HDGFL3: variants seen among roughly 807,000 people sequenced by gnomAD.
HDGFL3 encodes HDGF like 3.
HDGFL3 carries 6 observed loss-of-function variants against 27.6 expected under a neutral mutation model. That is an observed-to-expected ratio of 0.22 (90% CI 0.12 to 0.43). The LOEUF (loss-of-function observed/expected upper bound fraction) is 0.43. Ranked by LOEUF, HDGFL3 falls within the 20% of genes least tolerant of loss-of-function variation. HDGFL3 has a pLI of 1.00. For missense variants in HDGFL3, 207 were observed against 250.1 expected (o/e 0.83, Z 1.16); for synonymous variants, 88 against 88.9 (o/e 0.99, Z 0.05).
chr15:83,187,636 C>A (rs1045089362), intron 1 of HDGFL3, among the ~76,000 whole-genome samples: 1 of 152,148 alleles, frequency 6.6e-6, no homozygotes, highest in Non-Finnish European at 1.5e-5. Flanking sequence ...CGCCTGTAAT[C>A]CCAGCACTTT....
At chr15:83,181,436 A>T (rs1303212576) in intron 1 of HDGFL3, among the ~76,000 whole-genome samples, 1 of 152,106 alleles carries the variant, frequency 6.6e-6, no homozygotes, top group Non-Finnish European at 1.5e-5. Context: ...TCGATTTATG[A>T]TCTTCATTTA....
At position 83,157,563 on chromosome 15, in the gene HDGFL3, T is replaced by G; in HGVS notation, c.311A>C (p.Gln104Pro). The change falls in exon 4 of 6, where the codon CAA (glutamine) becomes CCA (proline). Residue 104 changes from glutamine to proline, a missense_variant. Transcript: ENST00000299633. ...TCCCTCAGTTTCTGAAGAGCTCTGT[T>G]GCTGAATTGCCTAAGAAATAATAAA... Reference protein sequence around the residue: ...VKFTGYQAIQQQSSSETEGEG... With the variant: ...VKFTGYQAIQPQSSSETEGEG... 6.2e-7 allele frequency: 1 copy of G among 1,612,248 alleles called. No individual in the cohort carries two copies. Among genetic ancestry groups the G allele is most frequent in the Non-Finnish European group, 8.5e-7 (1 of 1,179,332 alleles).
At chr15:83,186,823 C>A (rs964466662) in intron 1 of HDGFL3, among the ~76,000 whole-genome samples, 1 of 152,132 alleles carries the variant, frequency 6.6e-6, no homozygotes, top group African/African-American at 2.4e-5. Context: ...CCAGACTTTA[C>A]CGCAATATAA....
chr15:83,207,239 C>T lies in HDGFL3; in HGVS notation c.84+92G>A, dbSNP rs1195929469. 7 of 896,686 alleles carry T rather than the reference C, an allele frequency of 7.8e-6. No individual in the cohort carries two copies. The highest frequency in any genetic ancestry group is 4.3e-5 in the Admixed American group (1 of 23,078). The allele number at this position is 896,686 out of a possible 1,614,324, so 55.5% of individuals were successfully genotyped here. On this transcript the variant is annotated intron_variant, in intron 1 of 5. Coordinates refer to ENST00000299633, the MANE Select transcript of HDGFL3 (RefSeq NM_016073.4). This position sits in a 1 kb window ranked among gnomAD's most constrained non-coding sequence, Gnocchi z 4.8. ...CACAGCCGGCCGCGAGCTGCGGGCTCGGGGCTGAGGCGATGGGGAAAGGGG... is the reference window on the plus strand; with the variant it reads ...CACAGCCGGCCGCGAGCTGCGGGCTTGGGGCTGAGGCGATGGGGAAAGGGG...
At chr15:83,166,978 T>TCA (rs1230881441) in intron 1 of HDGFL3, among the ~76,000 whole-genome samples, 1 of 152,096 alleles carries the variant, frequency 6.6e-6, no homozygotes, top group African/African-American at 2.4e-5. Flanking sequence ...TCAAACCATA[T>TCA]CAGCAACCAA....
intron 2 of HDGFL3, among the ~76,000 whole-genome samples, chr15:83,162,203 C>G (rs532017618): frequency 1.7e-3 from 257 of 152,296 alleles, no homozygotes; most frequent in African/African-American, 6.0e-3. Flanking sequence ...GTAAGAAACA[C>G]TGACATAATT....
At chr15:83,120,367 C>T (rs1033932039) in intron 3 of HDGFL3, among the ~76,000 whole-genome samples, 7 of 152,176 alleles carry the variant, frequency 4.6e-5, no homozygotes, top group African/African-American at 7.2e-5. Flanking sequence ...TGGTGGCACA[C>T]CCACAGCTTT....
intron 1 of HDGFL3, among the ~76,000 whole-genome samples, chr15:83,172,994 G>A (rs542046111): frequency 5.3e-5 from 8 of 152,246 alleles, no homozygotes; most frequent in Admixed American, 1.3e-4. Context: ...GAAAATTCAC[G>A]TAGAAGTGGA....
chr15:83,183,698 CA>C (rs1348647978), intron 1 of HDGFL3, among the ~76,000 whole-genome samples: 1 of 150,650 alleles, frequency 6.6e-6, no homozygotes, highest in Non-Finnish European at 1.5e-5. Context: ...GGTTGCAGTG[CA>C]GTAAGCAGAG....
At chr15:83,119,461 A>T in intron 3 of HDGFL3, 1 of 1,060,180 alleles carries the variant, frequency 9.4e-7, no homozygotes, top group South Asian at 1.5e-5. Flanking sequence ...AAATAGTTTC[A>T]TCTTAGCAGA....
intron 1 of HDGFL3, among the ~76,000 whole-genome samples, chr15:83,176,086 G>A (rs191806172): frequency 1.2e-4 from 19 of 152,318 alleles, no homozygotes; most frequent in East Asian, 7.7e-4. Context: ...AGAGGAACAC[G>A]TCTTGCTTCA....
chr15:83,146,011 A>T (rs1292525620), intron 5 of HDGFL3, among the ~76,000 whole-genome samples: 1 of 145,080 alleles, frequency 6.9e-6, no homozygotes, highest in Non-Finnish European at 1.5e-5. Context: ...CCCGGGTTCA[A>T]GCGATTTTCA....
In HDGFL3 at chr15:83,207,451, GC is replaced by G; in HGVS notation, c.-38del. The G allele has an allele frequency of 7.9e-7, 1 of 1,263,708 alleles. No individual in the cohort carries two copies. 78.3% of individuals were successfully genotyped at this position (1,263,708 alleles called of 1,614,324 possible). ...CCCTTCCTGGTAGTCCTTGGTCGCC[GC>G]GAAGATGCCGGGAGGCCGCCCCCCC... On this transcript the variant is annotated 5_prime_UTR_variant, in exon 1 of 6. Coordinates refer to ENST00000299633, the MANE Select transcript of HDGFL3 (RefSeq NM_016073.4). The surrounding 1 kb of genome is among the most constrained non-coding windows in gnomAD (Gnocchi z 4.8).
chr15:83,170,885 A>AC (rs2037237538), intron 1 of HDGFL3, among the ~76,000 whole-genome samples: 1 of 151,936 alleles, frequency 6.6e-6, no homozygotes, highest in Non-Finnish European at 1.5e-5. Flanking sequence ...GCAAAAAAAA[A>AC]AAAAAACAAA....
rs956412114 is a variant in HDGFL3, at chr15:83,128,460, T to C, written c.*10810A>G. ...AAGAGAACTAACATTTATTGCTCTT[T>C]GCTGGTTGTTTTTCCTTTGCAGACC... On this transcript the variant is annotated 3_prime_UTR_variant, in exon 6 of 6. Coordinates refer to ENST00000299633, the MANE Select transcript of HDGFL3 (RefSeq NM_016073.4). 3 of 152,230 alleles carry C rather than the reference T, an allele frequency of 2.0e-5. No individual in the cohort carries two copies. The highest frequency in any genetic ancestry group is 4.4e-5 in the Non-Finnish European group (3 of 68,048). The allele number at this position is 152,230 out of a possible 1,614,324, so 9.4% of individuals were successfully genotyped here. A position where few individuals can be genotyped will look rare whatever the true frequency, so the allele number is the denominator to read the frequency against.
chr15:83,122,850 C>T, downstream of HDGFL3: 2 of 1,613,932 alleles, frequency 1.2e-6, no homozygotes, highest in Non-Finnish European at 1.7e-6. Context: ...TATAATCAGC[C>T]ATCAGAAAAT....
chr15:83,167,130 T>A (rs929515911), intron 1 of HDGFL3, among the ~76,000 whole-genome samples: 3 of 152,128 alleles, frequency 2.0e-5, no homozygotes, highest in Non-Finnish European at 4.4e-5. Context: ...CAGAGACCCA[T>A]CTTAGATGTA....
At chr15:83,186,205 T>G (rs976909223) in intron 1 of HDGFL3, 18 of 152,332 alleles carry the variant, frequency 1.2e-4, no homozygotes, top group Non-Finnish European at 2.6e-4. Flanking sequence ...TAAATGTGTA[T>G]TGTTTTAAGC....
intron 1 of HDGFL3, among the ~76,000 whole-genome samples, chr15:83,191,748 T>C (rs1429573687): frequency 6.6e-6 from 1 of 152,154 alleles, no homozygotes; most frequent in Non-Finnish European, 1.5e-5. Flanking sequence ...GTAACATTGA[T>C]TCTTCTGCTT....
Sources: gnomAD v4.1 joint callset for allele counts (sites outside exome capture counted in the v4.1 genomes callset) on GRCh38, gnomAD v4.1.1 for gene constraint, Gnocchi (gnomAD v3.1) non-coding constraint, MANE v1.5 for transcripts, NCBI Gene and HGNC (gene_info 2026-07-23, HGNC 2026-07-21) for gene names.